Variants in PRKCE observed in about 807,000 individuals in gnomAD.
PRKCE encodes the protein protein kinase C epsilon type.
PRKCE carries 16 observed loss-of-function variants against 85.4 expected under a neutral mutation model. The observed-to-expected ratio is 0.19, with a 90% CI of 0.13 to 0.28. The LOEUF (loss-of-function observed/expected upper bound fraction) is 0.28, where lower values mean the gene tolerates loss of function less well. Among genes scored for constraint, PRKCE ranks in the 10% least tolerant of loss-of-function variants. PRKCE has a pLI of 1.00. For synonymous variants in PRKCE, 388 were observed against 371.5 expected (o/e 1.04, Z -0.51); for missense variants, 573 against 975.2 (o/e 0.59, Z 5.49).
chr2:46,053,482 C>G (rs1708980883), intron 10 of PRKCE, among the ~76,000 whole-genome samples: 2 of 152,156 alleles, frequency 1.3e-5, no homozygotes, highest in South Asian at 4.1e-4. Context: ...AAACTTTATG[C>G]CCATTAAGCA....
chr2:45,826,521 T>C (rs534765914), intron 1 of PRKCE, among the ~76,000 whole-genome samples: 1 of 152,350 alleles, frequency 6.6e-6, no homozygotes, highest in Admixed American at 6.5e-5. Context: ...GCTGTGGCTG[T>C]CAGGATTGTG....
intron 2 of PRKCE, 94 bp from the exon 3 acceptor site, chr2:45,976,335 T>TC (rs1558908596): frequency 3.5e-6 from 5 of 1,431,764 alleles, no homozygotes; most frequent in Middle Eastern, 2.3e-4. Context: ...CCAGCTCCAC[T>TC]CCCCCAGGGA....
chr2:46,011,835 G>A (rs1705706653), intron 10 of PRKCE, among the ~76,000 whole-genome samples: 1 of 152,120 alleles, frequency 6.6e-6, no homozygotes, highest in African/African-American at 2.4e-5. Context: ...CCCTGATCCA[G>A]TGGAATTTTT....
intron 2 of PRKCE, among the ~76,000 whole-genome samples, chr2:45,917,908 G>A (rs539960220): frequency 1.2e-3 from 147 of 120,340 alleles, no homozygotes; most frequent in African/African-American, 4.2e-3. Context: ...CGCAGCCGCT[G>A]GCCCGGTGCT....
intron 10 of PRKCE, among the ~76,000 whole-genome samples, chr2:46,082,124 G>C (rs558595229): frequency 3.9e-5 from 6 of 152,016 alleles, no homozygotes; most frequent in South Asian, 4.2e-4. Flanking sequence ...AGGAGGAAGC[G>C]GGGTGGGTTA....
intron 2 of PRKCE, among the ~76,000 whole-genome samples, chr2:45,865,700 C>T (rs1693536492): frequency 6.6e-6 from 1 of 152,108 alleles, no homozygotes. Context: ...CCTGTGGAGT[C>T]TCACAATATT....
intron 2 of PRKCE, among the ~76,000 whole-genome samples, chr2:45,870,167 T>C (rs114814534): frequency 0.013 from 1,962 of 152,312 alleles, 43 homozygotes; most frequent in African/African-American, 0.044. Flanking sequence ...GTCCTTTCTT[T>C]TAAACAGCCC....
chr2:45,974,815 T>G (rs1283090750), intron 2 of PRKCE, among the ~76,000 whole-genome samples: 1 of 152,098 alleles, frequency 6.6e-6, no homozygotes. Context: ...CCTGGAGATA[T>G]TTGGGGGCAC....
At chr2:45,968,736 C>T (rs940102336) in intron 2 of PRKCE, among the ~76,000 whole-genome samples, 45 of 152,090 alleles carry the variant, frequency 3.0e-4, no homozygotes, top group African/African-American at 9.9e-4. Context: ...ATGAGGAGGG[C>T]GTTCAGTTTT....
chr2:45,776,980 C>T lies in PRKCE; in HGVS notation c.349-66020C>T, dbSNP rs139890910. ...TAAAAACCCCTTAGAAGCAGTATGG[C>T]CTAGTGAGAGGAGTGCAGGGTCTCA... On this transcript the variant is annotated intron_variant, in intron 1 of 14. Coordinates refer to ENST00000306156, the MANE Select transcript of PRKCE (RefSeq NM_005400.3). Among the ~76,000 whole-genome samples, 275 of 152,180 alleles carry T rather than the reference C, an allele frequency of 1.8e-3. 1 individual carries two copies. The highest frequency in any genetic ancestry group is 6.4e-3 in the African/African-American group (264 of 41,504).
At position 46,118,548 on chromosome 2, in the gene PRKCE, T is replaced by C. The variant is rs188114548; in HGVS notation, c.1593-26545T>C. Among the ~76,000 whole-genome samples the C allele has an allele frequency of 2.6e-3, 400 of 152,294 alleles. 3 individuals carry two copies. The highest frequency in any genetic ancestry group is 0.01 in the Middle Eastern group (3 of 294). ...ACAATATACTCTTCATGGAAAGCCT[T>C]GGACTAACAAAAGAGAAAAATGGAG... On this transcript the variant is annotated intron_variant, in intron 11 of 14. Transcript: ENST00000306156.
intron 1 of PRKCE, among the ~76,000 whole-genome samples, chr2:45,842,168 C>A (rs548677279): frequency 6.6e-6 from 1 of 152,286 alleles, no homozygotes; most frequent in Non-Finnish European, 1.5e-5. Flanking sequence ...TTGTCTCACC[C>A]AATTATTTCA....
intron 14 of PRKCE, among the ~76,000 whole-genome samples, chr2:46,167,548 G>A (rs960800601): frequency 1.3e-5 from 2 of 152,206 alleles, no homozygotes; most frequent in African/African-American, 2.4e-5. Context: ...AGCATCTGAA[G>A]GCAGGGAAGG....
chr2:46,000,161 TC>T (rs1296653784), intron 6 of PRKCE, among the ~76,000 whole-genome samples: 1 of 151,986 alleles, frequency 6.6e-6, no homozygotes, highest in Non-Finnish European at 1.5e-5. Flanking sequence ...TTTTTTTTTT[TC>T]TTTGCCTTTT....
chr2:45,664,556 A>T (rs574084248), intron 1 of PRKCE, among the ~76,000 whole-genome samples: 3 of 152,192 alleles, frequency 2.0e-5, no homozygotes, highest in Non-Finnish European at 4.4e-5. Context: ...TTGGAAATGA[A>T]TGAGCAACAG....
chr2:45,936,474 C>T (rs1458911221), intron 2 of PRKCE, among the ~76,000 whole-genome samples: 1 of 152,160 alleles, frequency 6.6e-6, no homozygotes, highest in Admixed American at 6.5e-5. Flanking sequence ...CATCCAGTAG[C>T]GCCTCTGCCC....
chr2:45,662,724 G>C (rs1161564100), intron 1 of PRKCE, among the ~76,000 whole-genome samples: 3 of 148,024 alleles, frequency 2.0e-5, no homozygotes, highest in African/African-American at 7.4e-5. Context: ...TTTCTTCTTT[G>C]TTGTGATCGA....
chr2:45,841,540 G>A (rs913876368), intron 1 of PRKCE, among the ~76,000 whole-genome samples: 5 of 152,228 alleles, frequency 3.3e-5, no homozygotes, highest in African/African-American at 1.2e-4. Flanking sequence ...GCTGGCAGCT[G>A]ATTAGATGGT....
At chr2:45,666,608 T>C (rs904707050) in intron 1 of PRKCE, among the ~76,000 whole-genome samples, 1 of 152,018 alleles carries the variant, frequency 6.6e-6, no homozygotes, top group African/African-American at 2.4e-5. Context: ...CCCCTTCTCT[T>C]TGGGCGATCA....
Sources: allele counts gnomAD v4.1 joint callset (sites outside exome capture counted in the v4.1 genomes callset), GRCh38; gene constraint gnomAD v4.1.1; transcripts MANE v1.5; gene names NCBI Gene and HGNC (gene_info 2026-07-23, HGNC 2026-07-21).